TBC1D22A: variants seen among roughly 807,000 people sequenced by gnomAD.
TBC1D22A encodes the protein TBC1 domain family member 22A.
TBC1D22A carries 38 observed loss-of-function variants against 60.2 expected under a neutral mutation model. The ratio of observed to expected loss-of-function variants is 0.63; its 90% CI spans 0.49 to 0.83. The LOEUF is 0.83. TBC1D22A is among the 40% of genes least tolerant of loss of function. The pLI, the probability that TBC1D22A is intolerant of heterozygous loss-of-function variation, is 0.00. For missense variants in TBC1D22A, 628 were observed against 701.0 expected (o/e 0.90, Z 1.18); for synonymous variants, 302 against 281.7 (o/e 1.07, Z -0.72).
At position 47,056,335 on chromosome 22, in the gene TBC1D22A, G is replaced by A. The variant is rs184841360; in HGVS notation, c.1329+19137G>A. Among the ~76,000 whole-genome samples the A allele has an allele frequency of 1.0e-2, 1,518 of 152,192 alleles. 16 individuals are homozygous for A. Among genetic ancestry groups the A allele is most frequent in the Non-Finnish European group, 0.011 (771 of 68,008 alleles). The stretch of plus-strand genomic sequence containing the variant: ...GCCGGGTGCTTGTTAGTGATTGACA[G>A]CGTTTGAGTTTGAGTTGGTTTTGAA... On this transcript the variant is annotated intron_variant, in intron 11 of 12. Coordinates refer to ENST00000337137, the MANE Select transcript of TBC1D22A (RefSeq NM_014346.5).
chr22:47,118,232 C>T (rs903435828), intron 12 of TBC1D22A, among the ~76,000 whole-genome samples: 13 of 152,134 alleles, frequency 8.5e-5, no homozygotes, highest in Non-Finnish European at 4.4e-5. Context: ...CATCTTCTTT[C>T]TAAGTATTTA....
chr22:47,132,925 A>G (rs910088385), intron 12 of TBC1D22A, among the ~76,000 whole-genome samples: 1 of 152,268 alleles, frequency 6.6e-6, no homozygotes, highest in Non-Finnish European at 1.5e-5. Flanking sequence ...TGGGGTGGAC[A>G]TGGAGTTCAT....
At chr22:46,773,360 C>T (rs1209459801) in intron 1 of TBC1D22A, among the ~76,000 whole-genome samples, 1 of 152,250 alleles carries the variant, frequency 6.6e-6, no homozygotes. Context: ...GGAGCAGGCT[C>T]AGAGCAGGTG....
At chr22:46,813,700 C>T (rs539156597) in intron 4 of TBC1D22A, among the ~76,000 whole-genome samples, 9 of 152,210 alleles carry the variant, frequency 5.9e-5, no homozygotes, top group East Asian at 3.9e-4. Flanking sequence ...CACAGAGGAA[C>T]GAGTAATGAA....
chr22:46,846,970 G>C (rs1374029888), intron 4 of TBC1D22A, among the ~76,000 whole-genome samples: 1 of 152,200 alleles, frequency 6.6e-6, no homozygotes, highest in Admixed American at 6.5e-5. Flanking sequence ...TCGAGAGACT[G>C]TTTAGGCGGG....
intron 10 of TBC1D22A, among the ~76,000 whole-genome samples, chr22:47,015,338 A>T (rs1464691127): frequency 6.6e-6 from 1 of 152,198 alleles, no homozygotes; most frequent in Non-Finnish European, 1.5e-5. Context: ...GGCTCGCTTT[A>T]TTTAATTCAC....
chr22:47,067,660 C>T (rs2063821365), intron 11 of TBC1D22A, among the ~76,000 whole-genome samples: 1 of 152,148 alleles, frequency 6.6e-6, no homozygotes, highest in Non-Finnish European at 1.5e-5. Context: ...TGTCAGGGAT[C>T]AGAACAGGCA....
At chr22:47,003,276 G>A (rs1031019620) in intron 10 of TBC1D22A, among the ~76,000 whole-genome samples, 1 of 152,002 alleles carries the variant, frequency 6.6e-6, no homozygotes, top group African/African-American at 2.4e-5. Flanking sequence ...GGGTGAAGTG[G>A]AATTCAGACC....
chr22:46,952,399 A>G (rs1000517500), intron 8 of TBC1D22A, among the ~76,000 whole-genome samples: 1 of 152,074 alleles, frequency 6.6e-6, no homozygotes, highest in Non-Finnish European at 1.5e-5. Flanking sequence ...TAGTGTCTTC[A>G]TTGAACTGTG....
intron 7 of TBC1D22A, among the ~76,000 whole-genome samples, chr22:46,899,196 C>T (rs1242221523): frequency 6.6e-6 from 1 of 152,108 alleles, no homozygotes; most frequent in African/African-American, 2.4e-5. Context: ...CCTGTAATCC[C>T]AGCACTTCAG....
intron 12 of TBC1D22A, among the ~76,000 whole-genome samples, chr22:47,148,927 A>C (rs541246827): frequency 4.0e-5 from 6 of 148,564 alleles, no homozygotes; most frequent in South Asian, 2.1e-4. Context: ...CCCTTCATGC[A>C]GGTTCTAGGG....
At chr22:46,866,265 C>T (rs540752176) in intron 4 of TBC1D22A, among the ~76,000 whole-genome samples, 1 of 152,236 alleles carries the variant, frequency 6.6e-6, no homozygotes, top group South Asian at 2.1e-4. Context: ...CCACCATGCT[C>T]AGCTAATTTT....
intron 11 of TBC1D22A, among the ~76,000 whole-genome samples, chr22:47,095,840 C>T (rs953915352): frequency 3.3e-5 from 5 of 152,190 alleles, no homozygotes; most frequent in African/African-American, 9.7e-5. Context: ...GGATGCTGAG[C>T]GGGTTGAGTC....
intron 1 of TBC1D22A, chr22:46,774,174 CCTCCAGG>C: frequency 6.1e-6 from 6 of 985,580 alleles, no homozygotes; most frequent in Non-Finnish European, 7.2e-6. Context: ...AGGCCTGGCT[CCTCCAGG>C]CTGGGGGAAA....
intron 12 of TBC1D22A, among the ~76,000 whole-genome samples, chr22:47,138,338 T>G (rs1246603955): frequency 1.3e-5 from 2 of 151,826 alleles, no homozygotes; most frequent in Non-Finnish European, 2.9e-5. Flanking sequence ...CCGTGGACAG[T>G]GATGGACCTG....
At chr22:46,975,034 A>C (rs1269052356) in intron 9 of TBC1D22A, among the ~76,000 whole-genome samples, 1 of 152,160 alleles carries the variant, frequency 6.6e-6, no homozygotes, top group Non-Finnish European at 1.5e-5. Context: ...CCCACACAGT[A>C]CCTGGGAAGG....
intron 12 of TBC1D22A, among the ~76,000 whole-genome samples, chr22:47,171,310 C>T (rs969692569): frequency 7.2e-5 from 11 of 152,214 alleles, no homozygotes; most frequent in African/African-American, 2.7e-4. Context: ...CCCTTGTCAC[C>T]TGCTAGGAGT....
chr22:46,866,071 A>G (rs961857631), intron 4 of TBC1D22A, among the ~76,000 whole-genome samples: 1 of 152,212 alleles, frequency 6.6e-6, no homozygotes, highest in Non-Finnish European at 1.5e-5. Flanking sequence ...AAACCAGTGC[A>G]TAAAGCCAAA....
At position 46,985,575 on chromosome 22, in the gene TBC1D22A, G is replaced by A. The variant is rs142870754; in HGVS notation, c.1125+11176G>A. Among the ~76,000 whole-genome samples, 861 of 152,304 alleles carry A rather than the reference G, an allele frequency of 5.7e-3. 7 individuals carry two copies. The highest frequency in any genetic ancestry group is 0.014 in the Middle Eastern group (4 of 294). ...TTTGAAAACCCTAAGAATCCGTGTC[G>A]TTGCCTGAATGAATAGTTGATTCCT... On this transcript the variant is annotated intron_variant, in intron 9 of 12. Coordinates refer to ENST00000337137, the MANE Select transcript of TBC1D22A (RefSeq NM_014346.5).
Sources: gnomAD v4.1 joint callset for allele counts (sites outside exome capture counted in the v4.1 genomes callset) on GRCh38, gnomAD v4.1.1 for gene constraint, MANE v1.5 for transcripts, NCBI Gene and HGNC (gene_info 2026-07-23, HGNC 2026-07-21) for gene names.